The following OR52N4 variants were observed in gnomAD, a reference collection of about 807,000 sequenced individuals.
The protein encoded by OR52N4 is olfactory receptor 52N4.
Under a neutral mutation model 15.0 loss-of-function variants are expected in OR52N4, and 15 were observed. The ratio of observed to expected loss-of-function variants is 1.00; its 90% CI spans 0.67 to 1.54. The LOEUF is 1.54. Among genes scored for constraint, OR52N4 ranks in the 40% most tolerant of loss-of-function variants. OR52N4 has a pLI of 0.00. For synonymous variants in OR52N4, 143 were observed against 143.7 expected (o/e 1.00, Z 0.03); for missense variants, 421 against 394.0 (o/e 1.07, Z -0.58).
At chr11:5,751,361 T>A (rs1484555896), upstream of OR52N4, among the ~76,000 whole-genome samples, 1 of 152,046 alleles carries the variant, frequency 6.6e-6, no homozygotes, top group Non-Finnish European at 1.5e-5. Flanking sequence ...GTCATCTTTT[T>A]TTTTCCACTT....
chr11:5,753,332 C>CA (rs1341301756), upstream of OR52N4, among the ~76,000 whole-genome samples: 2 of 151,588 alleles, frequency 1.3e-5, no homozygotes, highest in South Asian at 2.1e-4. Context: ...CACTACATAC[C>CA]AAAAAAAGGT....
chr11:5,748,717 T>G, the OR52N4 span, among the ~76,000 whole-genome samples: 1 of 152,034 alleles, frequency 6.6e-6, no homozygotes, highest in Admixed American at 6.6e-5. Flanking sequence ...GATTAGTTTA[T>G]GAATGAACAA....
At chr11:5,750,746 A>C (rs1271914662), upstream of OR52N4, among the ~76,000 whole-genome samples, 2 of 151,996 alleles carry the variant, frequency 1.3e-5, no homozygotes, top group African/African-American at 4.8e-5. Context: ...GAAAGGCAGA[A>C]TCCTGTAATT....
chr11:5,738,436 CCCAGCAT>C, the OR52N4 span: 5 of 149,042 alleles, frequency 3.4e-5, no homozygotes, highest in East Asian at 9.9e-4. Context: ...TCTCTGAGTG[CCCAGCAT>C]CCATTATTTT....
At chr11:5,738,267 TCTA>T in the OR52N4 span, 1 of 152,256 alleles carries the variant, frequency 6.6e-6, no homozygotes, top group Non-Finnish European at 1.5e-5. Context: ...TATTTATTAT[TCTA>T]CTCCCAGCCT....
the OR52N4 span, chr11:5,736,873 G>A: frequency 2.5e-6 from 4 of 1,613,990 alleles, no homozygotes; most frequent in African/African-American, 1.3e-5. Flanking sequence ...TTGTGGGCAT[G>A]GAGTCTGGTA....
chr11:5,752,352 C>T (rs895160035), upstream of OR52N4, among the ~76,000 whole-genome samples: 3 of 152,150 alleles, frequency 2.0e-5, no homozygotes, highest in African/African-American at 4.8e-5. Context: ...CTGATCTGTC[C>T]TCTTCATCTT....
the OR52N4 span, among the ~76,000 whole-genome samples, chr11:5,733,678 G>A: frequency 3.3e-5 from 5 of 152,096 alleles, no homozygotes; most frequent in South Asian, 2.1e-4. Context: ...GAACAGGAAC[G>A]ATGACTGTTC....
At chr11:5,742,279 TAA>T in the OR52N4 span, among the ~76,000 whole-genome samples, 1 of 152,060 alleles carries the variant, frequency 6.6e-6, no homozygotes. Flanking sequence ...GAGAAATAAA[TAA>T]AAAGTTTGGA....
the OR52N4 span, chr11:5,736,669 C>A: frequency 1.1e-5 from 18 of 1,613,900 alleles, no homozygotes; most frequent in Admixed American, 1.7e-5. Flanking sequence ...TTGCTGCAAA[C>A]ACCCTCATCC....
the OR52N4 span, chr11:5,737,557 G>T: frequency 7.0e-7 from 1 of 1,423,558 alleles, no homozygotes; most frequent in East Asian, 2.3e-5. Flanking sequence ...TTTCAAAGAG[G>T]ATAAATGAGT....
the OR52N4 span, among the ~76,000 whole-genome samples, chr11:5,734,757 C>T: frequency 4.6e-5 from 7 of 152,024 alleles, no homozygotes; most frequent in African/African-American, 1.7e-4. Context: ...CATACTTCCA[C>T]GCATCCAGGA....
At chr11:5,744,743 T>C in the OR52N4 span, among the ~76,000 whole-genome samples, 1 of 151,998 alleles carries the variant, frequency 6.6e-6, no homozygotes, top group African/African-American at 2.4e-5. Context: ...CGAAACCCTG[T>C]CTCTACTAAA....
At position 5,754,693 on chromosome 11, in the gene OR52N4, G is replaced by T; in HGVS notation, c.-48G>T. 6.6e-7 allele frequency: 1 copy of T among 1,520,092 alleles called. No individual in the cohort carries two copies. 94.2% of individuals were successfully genotyped at this position (1,520,092 alleles called of 1,614,324 possible). A position where few individuals can be genotyped will look rare whatever the true frequency, so the allele number is the denominator to read the frequency against. ...CTCTTGTTTTTTTTTTTAACTCTAG[G>T]AAAGCCCAGACAAATTTTGAGCTAT... On this transcript the variant is annotated splice_region_variant and 5_prime_UTR_variant, in exon 2 of 2. Transcript: ENST00000641350.
the OR52N4 span, chr11:5,737,355 T>C: frequency 6.2e-7 from 1 of 1,614,148 alleles, no homozygotes; most frequent in South Asian, 1.1e-5. Context: ...GCTACTTTGA[T>C]TCCAGTTCTA....
At chr11:5,747,516 G>T in the OR52N4 span, among the ~76,000 whole-genome samples, 1 of 151,428 alleles carries the variant, frequency 6.6e-6, no homozygotes, top group Admixed American at 6.6e-5. Context: ...CAATGTATGT[G>T]TATATATATG....
At chr11:5,736,594 C>A in the OR52N4 span, 1 of 1,613,986 alleles carries the variant, frequency 6.2e-7, no homozygotes. Context: ...TGCTGGGATT[C>A]CCGGGCATTC....
At chr11:5,750,544 G>A, upstream of OR52N4, among the ~76,000 whole-genome samples, 1 of 151,804 alleles carries the variant, frequency 6.6e-6, no homozygotes, top group Admixed American at 6.6e-5. Context: ...CTATTGAATA[G>A]TTTATACTAA....
At chr11:5,740,589 C>T in the OR52N4 span, among the ~76,000 whole-genome samples, 3,847 of 125,372 alleles carry the variant, frequency 0.031, 951 homozygotes, top group Middle Eastern at 0.064. Context: ...GAAGGGAGGT[C>T]TCTTGAGCCC....
Sources: gnomAD v4.1 joint callset for allele counts (sites outside exome capture counted in the v4.1 genomes callset) on GRCh38, gnomAD v4.1.1 for gene constraint, MANE v1.5 for transcripts, NCBI Gene and HGNC (gene_info 2026-07-23, HGNC 2026-07-21) for gene names.